The following USP6NL variants were observed in gnomAD, a reference collection of about 807,000 sequenced individuals.
The protein encoded by USP6NL is USP6 N-terminal-like protein.
In USP6NL, 26 loss-of-function variants were observed where a neutral mutation model predicts 61.9. That is an observed-to-expected ratio of 0.42 (90% CI 0.31 to 0.58). USP6NL has a LOEUF of 0.58. USP6NL is among the 20% of genes least tolerant of loss of function. USP6NL has a pLI of 0.16. For missense variants in USP6NL, 1,114 were observed against 1,034.3 expected (o/e 1.08, Z -1.06); for synonymous variants, 432 against 390.1 (o/e 1.11, Z -1.27).
At chr10:11,504,210 C>T (rs1411471202) in intron 6 of USP6NL, among the ~76,000 whole-genome samples, 1 of 152,148 alleles carries the variant, frequency 6.6e-6, no homozygotes, top group East Asian at 1.9e-4. Context: ...GACAGACTAA[C>T]TTATTACAGT....
intron 2 of USP6NL, among the ~76,000 whole-genome samples, chr10:11,550,565 A>G (rs1836443656): frequency 6.6e-6 from 1 of 151,962 alleles, no homozygotes. Flanking sequence ...AGACCAGCCC[A>G]GCCAACATGG....
At chr10:11,542,849 G>A (rs1836121718) in intron 2 of USP6NL, among the ~76,000 whole-genome samples, 1 of 152,184 alleles carries the variant, frequency 6.6e-6, no homozygotes, top group Non-Finnish European at 1.5e-5. Flanking sequence ...AGCAGCAGCT[G>A]CGTCGACAGT....
intron 6 of USP6NL, among the ~76,000 whole-genome samples, chr10:11,502,908 G>A (rs1301098864): frequency 6.6e-6 from 1 of 152,122 alleles, no homozygotes; most frequent in Non-Finnish European, 1.5e-5. Flanking sequence ...TTTAACTGGA[G>A]GAATATGTAC....
intron 2 of USP6NL, among the ~76,000 whole-genome samples, chr10:11,556,509 T>C (rs1478240677): frequency 6.6e-6 from 1 of 152,100 alleles, no homozygotes; most frequent in Non-Finnish European, 1.5e-5. Flanking sequence ...AAAACAGATA[T>C]ATGCTATTTA....
intron 2 of USP6NL, among the ~76,000 whole-genome samples, chr10:11,555,471 A>AGAGAGAAAGAG (rs1566178235): frequency 2.6e-4 from 16 of 62,202 alleles, no homozygotes; most frequent in African/African-American, 1.1e-3. Flanking sequence ...GAGAGAGAGA[A>AGAGAGAAAGAG]AGAGAGAGAG....
At chr10:11,486,822 A>T (rs1464272234) in intron 10 of USP6NL, among the ~76,000 whole-genome samples, 2 of 152,154 alleles carry the variant, frequency 1.3e-5, no homozygotes, top group East Asian at 3.8e-4. Context: ...TCCCACACTT[A>T]TGTGATCTTG....
chr10:11,606,793 TTC>T, intron 1 of USP6NL, among the ~76,000 whole-genome samples: 1 of 152,122 alleles, frequency 6.6e-6, no homozygotes, highest in South Asian at 2.1e-4. Context: ...TTGAAATTTT[TTC>T]TTTTTTTTTT....
chr10:11,558,355 C>G (rs979003683), intron 2 of USP6NL, among the ~76,000 whole-genome samples: 9 of 152,146 alleles, frequency 5.9e-5, no homozygotes, highest in Non-Finnish European at 1.0e-4. Flanking sequence ...AAAAGGGTTC[C>G]TCCAGTTTTT....
Position 11,463,268 on chromosome 10 carries a change from CG to C in USP6NL, c.1659del (p.Asn553LysfsTer67). 6.2e-7 allele frequency: 1 copy of C among 1,613,806 alleles called. No homozygotes were observed. Among genetic ancestry groups the C allele is most frequent in the Non-Finnish European group, 8.5e-7 (1 of 1,179,894 alleles). ...CCGCTGTCCAGCTCCGGGCCTGGCA[CG>C]TTGTCGTACTGCGATGCAGTGGAGC... ...KRGSTASQYD[N>X]VPGPELDSGA... On this transcript the variant is annotated frameshift_variant, in exon 15 of 15. Coordinates refer to ENST00000609104, the MANE Select transcript of USP6NL (RefSeq NM_014688.5). LOFTEE classifies it low-confidence loss of function (END_TRUNC). This position sits in a 1 kb window ranked among gnomAD's most constrained non-coding sequence, Gnocchi z 6.3.
At position 11,518,367 on chromosome 10, in the gene USP6NL, T is replaced by C. The variant is rs1242545610; in HGVS notation, c.195+168A>G. Reference sequence around the variant, plus strand: ...AATCTCCTAAAATCTCCTAATATTATTTCACCATTAACTATTATCTTACAG... The same window carrying C: ...AATCTCCTAAAATCTCCTAATATTACTTCACCATTAACTATTATCTTACAG... On this transcript the variant is annotated intron_variant, in intron 5 of 14. Coordinates refer to ENST00000609104, the MANE Select transcript of USP6NL (RefSeq NM_014688.5). This position sits in a 1 kb window ranked among gnomAD's most constrained non-coding sequence, Gnocchi z 5.3. Among the ~76,000 whole-genome samples the C allele has an allele frequency of 6.6e-6, 1 of 152,334 alleles. No homozygotes were observed. The highest frequency in any genetic ancestry group is 1.9e-4 in the East Asian group (1 of 5,186).
chr10:11,469,527 G>A (rs1832639951), intron 14 of USP6NL, among the ~76,000 whole-genome samples: 1 of 152,196 alleles, frequency 6.6e-6, no homozygotes, highest in African/African-American at 2.4e-5. Flanking sequence ...AGGAACTACT[G>A]TTTAAGAGGA....
chr10:11,609,718 T>G (rs1392207850), intron 1 of USP6NL, among the ~76,000 whole-genome samples: 19 of 152,204 alleles, frequency 1.2e-4, no homozygotes, highest in Admixed American at 1.2e-3. Context: ...GTGGCAAAGA[T>G]GGACCAAGGC....
intron 5 of USP6NL, among the ~76,000 whole-genome samples, chr10:11,509,876 GCTCT>G (rs1834625524): frequency 6.6e-6 from 1 of 152,098 alleles, no homozygotes; most frequent in Non-Finnish European, 1.5e-5. Context: ...AATAGGAAAT[GCTCT>G]CTCTAGGTAA....
Position 11,511,426 on chromosome 10 carries a change from AAATTGCC to A in USP6NL, c.196-1758_196-1752del. Among the ~76,000 whole-genome samples the A allele has an allele frequency of 6.6e-6, 1 of 152,288 alleles. No individual in the cohort carries two copies. Among genetic ancestry groups the A allele is most frequent in the South Asian group, 2.1e-4 (1 of 4,828 alleles). ...AGCTGTGAAAAATTAAGATTGATCT[AAATTGCC>A]ATTTGGTATTTTTTGTTCTTCTGCA... On this transcript the variant is annotated intron_variant, in intron 5 of 14. Coordinates refer to ENST00000609104, the MANE Select transcript of USP6NL (RefSeq NM_014688.5). This position sits in a 1 kb window ranked among gnomAD's most constrained non-coding sequence, Gnocchi z 4.9.
chr10:11,533,734 C>T (rs572203215), intron 2 of USP6NL, among the ~76,000 whole-genome samples: 1 of 152,192 alleles, frequency 6.6e-6, no homozygotes, highest in Non-Finnish European at 1.5e-5. Context: ...AATGATACAT[C>T]TGTGTTGTTT....
rs187286602 is a variant in USP6NL at position 11,517,897 on chromosome 10, G to T, written c.195+638C>A. ...GTTCATTTTCTGGTACAGAAACAGT[G>T]GGGAGGAAAAGGGAGATTTCGGACA... On this transcript the variant is annotated intron_variant, in intron 5 of 14. Transcript: ENST00000609104. 7.3e-3 allele frequency among the ~76,000 whole-genome samples: 1,104 copies of T among 152,218 alleles called. 18 individuals carry two copies. Among genetic ancestry groups the T allele is most frequent in the Non-Finnish European group, 7.6e-3 (517 of 68,026 alleles).
Position 11,598,407 on chromosome 10 carries a change from A to G in USP6NL, c.-83-690T>C, listed in dbSNP as rs797011720. Among the ~76,000 whole-genome samples the G allele has an allele frequency of 2.6e-5, 4 of 152,310 alleles. No individual in the cohort carries two copies. The highest frequency in any genetic ancestry group is 9.6e-5 in the African/African-American group (4 of 41,568). ...TCCACTTAAGAGCATAACATAAAAC[A>G]TCAACTTGTGTTAGTATTAATACAA... On this transcript the variant is annotated intron_variant, in intron 1 of 14. Coordinates refer to ENST00000609104, the MANE Select transcript of USP6NL (RefSeq NM_014688.5). This position sits in a 1 kb window ranked among gnomAD's most constrained non-coding sequence, Gnocchi z 4.7.
At chr10:11,523,565 T>C (rs1024842722) in intron 4 of USP6NL, among the ~76,000 whole-genome samples, 9 of 152,178 alleles carry the variant, frequency 5.9e-5, no homozygotes, top group African/African-American at 2.2e-4. Context: ...AATAATGTAT[T>C]TGTGCACTTA....
intron 2 of USP6NL, among the ~76,000 whole-genome samples, chr10:11,583,353 A>G (rs1205618790): frequency 1.4e-5 from 2 of 144,198 alleles, no homozygotes; most frequent in Non-Finnish European, 3.1e-5. Flanking sequence ...GTGGCCGGCT[A>G]AATTTTTTTT....
Sources: gnomAD v4.1 joint callset for allele counts (sites outside exome capture counted in the v4.1 genomes callset) on GRCh38, gnomAD v4.1.1 for gene constraint, Gnocchi (gnomAD v3.1) non-coding constraint, MANE v1.5 for transcripts, NCBI Gene and HGNC (gene_info 2026-07-23, HGNC 2026-07-21) for gene names.